Variants in RABL6 observed in about 807,000 individuals in gnomAD.
RABL6 encodes the protein RAB, member RAS oncogene family like 6.
A neutral mutation model predicts 72.9 loss-of-function variants in RABL6; 28 were observed. The ratio of observed to expected loss-of-function variants is 0.38; its 90% CI spans 0.28 to 0.53. RABL6 has a LOEUF of 0.53. Among genes scored for constraint, RABL6 ranks in the 20% least tolerant of loss-of-function variants. The probability of loss-of-function intolerance (pLI) is 0.80; values close to 1 mark genes in which losing one functional copy is unlikely to be tolerated. For synonymous variants in RABL6, 477 were observed against 421.2 expected, an observed-to-expected ratio of 1.13 and a Z score of -1.62; for missense variants, 1,029 against 1,008.4, an observed-to-expected ratio of 1.02 and a Z score of -0.28.
Position 136,840,412 on chromosome 9 carries a change from C to T in RABL6, c.2080C>T (p.Arg694Trp), listed in dbSNP as rs759601170. 40 of 1,550,146 alleles carry T rather than the reference C, an allele frequency of 2.6e-5. No homozygotes were observed. The highest frequency in any genetic ancestry group is 3.0e-5 in the Non-Finnish European group (34 of 1,147,032). The part of the protein sequence containing the change: ...GKEERRRRQQ[R>W]PPRSRERTAA... ...GGAGGAGCGGCGACGGCGGCAGCAG[C>T]GGCCCCCGCGCAGCAGGGAGAGGAC... The change falls in exon 15 of 15, where the codon CGG (arginine) becomes TGG (tryptophan). Residue 694 changes from arginine (R) to tryptophan (W), a missense_variant. This residue lies in a region of RABL6 where 595 missense variants were observed against 472.4 expected (regional missense o/e 1.26). Transcript: ENST00000311502.
Position 136,839,432 on chromosome 9 carries a change from C to T in RABL6, c.1704C>T (p.Phe568=), listed in dbSNP as rs754824290. Residue 568 remains phenylalanine, a synonymous_variant, in exon 12 of 15, where the codon TTC becomes TTT. Transcript: ENST00000311502. ...CCATTGCTGCACAAATGCTGTCCTTCGTCATGGATGACCCCGACTTTGAGA... is the reference window on the plus strand; with the variant it reads ...CCATTGCTGCACAAATGCTGTCCTTTGTCATGGATGACCCCGACTTTGAGA... ...EGPIAAQMLS[F]VMDDPDFESE... is the part of the protein sequence containing the mutation. The T allele has an allele frequency of 2.4e-5, 38 of 1,612,544 alleles. No individual in the cohort carries two copies. Among genetic ancestry groups the T allele is most frequent in the East Asian group, 6.7e-5 (3 of 44,876 alleles).
At chr9:136,834,020 T>G in intron 7 of RABL6, 1 of 1,479,084 alleles carries the variant, frequency 6.8e-7, no homozygotes. Flanking sequence ...CTGGACAGAG[T>G]CTTGAGCTGG....
chr9:136,812,893 G>A, intron 1 of RABL6: 1 of 336,592 alleles, frequency 3.0e-6, no homozygotes, highest in South Asian at 2.8e-5. Context: ...ATCCTCCAAA[G>A]CTTCCTCTAC....
Position 136,840,319 on chromosome 9 carries a change from C to T in RABL6, c.1990-3C>T. ...CATGGCGCCCCATCCTTGTGCTCCT[C>T]AGGAAGAAGAAAAAGCTGCCAAGAA... On this transcript the variant is annotated splice_region_variant and splice_polypyrimidine_tract_variant and intron_variant, in intron 14 of 14. Coordinates refer to ENST00000311502, the MANE Select transcript of RABL6 (RefSeq NM_024718.5). 1 of 1,590,498 alleles carries T rather than the reference C, an allele frequency of 6.3e-7. No homozygotes were observed. Among genetic ancestry groups the T allele is most frequent in the Non-Finnish European group, 8.6e-7 (1 of 1,169,004 alleles).
intron 7 of RABL6, chr9:136,834,520 C>G: frequency 1.1e-6 from 1 of 934,310 alleles, no homozygotes; most frequent in Non-Finnish European, 1.3e-6. Flanking sequence ...CTCACTCTGT[C>G]CAGGCTGGAG....
intron 2 of RABL6, among the ~76,000 whole-genome samples, chr9:136,825,366 C>T (rs1486978705): frequency 6.6e-6 from 1 of 150,954 alleles, no homozygotes; most frequent in Non-Finnish European, 1.5e-5. Context: ...CAGGAGGGTC[C>T]CCTTCCAGTA....
At chr9:136,822,853 C>T (rs1470379477) in intron 1 of RABL6, among the ~76,000 whole-genome samples, 1 of 152,180 alleles carries the variant, frequency 6.6e-6, no homozygotes, top group Non-Finnish European at 1.5e-5. Context: ...CTTTGGGAGG[C>T]CAAGGCGGGC....
At position 136,839,700 on chromosome 9, in the gene RABL6, T is replaced by C. The variant is rs1848652731; in HGVS notation, c.1765T>C (p.Phe589Leu). 6.3e-7 allele frequency: 1 copy of C among 1,583,052 alleles called. No homozygotes were observed. Among genetic ancestry groups the C allele is most frequent in the Non-Finnish European group, 8.6e-7 (1 of 1,161,292 alleles). ...GSDTQRRADD[F>L]PVRDDPSDVT... ...GTTGCTCTCCCTGCTCCAGGATGACTTTCCCGTGCGAGATGACCCCTCCGA... is the reference window on the plus strand; with the variant it reads ...GTTGCTCTCCCTGCTCCAGGATGACCTTCCCGTGCGAGATGACCCCTCCGA... Residue 589 changes from phenylalanine (F) to leucine (L), a missense_variant, in exon 13 of 15, where the codon TTT becomes CTT. By Grantham distance (22) the Phe-to-Leu change is conservative. This residue lies in a region of RABL6 where 595 missense variants were observed against 472.4 expected (regional missense o/e 1.26). Coordinates refer to ENST00000311502, the MANE Select transcript of RABL6 (RefSeq NM_024718.5).
intron 1 of RABL6, among the ~76,000 whole-genome samples, chr9:136,815,692 C>T (rs1364668775): frequency 1.3e-5 from 2 of 152,150 alleles, no homozygotes; most frequent in African/African-American, 4.8e-5. Context: ...GTGAGAGGGC[C>T]TGGTTAGGAG....
intron 8 of RABL6, 160 bp from the exon 9 acceptor site, chr9:136,837,186 C>A: frequency 1.2e-6 from 1 of 854,324 alleles, no homozygotes. Context: ...GCACTGCTGC[C>A]CTTGGAAGTG....
intron 1 of RABL6, among the ~76,000 whole-genome samples, chr9:136,819,565 G>A (rs1848197288): frequency 1.3e-5 from 2 of 152,154 alleles, no homozygotes; most frequent in African/African-American, 4.8e-5. Flanking sequence ...GTGTCGAAAG[G>A]TTGAAAGTTA....
intron 1 of RABL6, chr9:136,814,499 C>T (rs1469657775): frequency 2.0e-5 from 3 of 151,904 alleles, no homozygotes. Flanking sequence ...TAGTTTTTAA[C>T]TCAGGAGCAG....
At chr9:136,838,432 A>G (rs1317076585) in intron 10 of RABL6, among the ~76,000 whole-genome samples, 1 of 152,132 alleles carries the variant, frequency 6.6e-6, no homozygotes, top group African/African-American at 2.4e-5. Flanking sequence ...CTCCCCAGCC[A>G]TCTGCCAGCC....
chr9:136,808,530 A>AGGAGAGGCCAGGCCAGG, intron 1 of RABL6: 6 of 373,732 alleles, frequency 1.6e-5, no homozygotes, highest in Non-Finnish European at 2.6e-5. Context: ...GCGGCCCCCG[A>AGGAGAGGCCAGGCCAGG]GCCGCGGGTC....
At chr9:136,808,427 C>T (rs1350795218) in intron 1 of RABL6, 101 bp downstream of exon 1, 4 of 1,238,786 alleles carry the variant, frequency 3.2e-6, no homozygotes, top group African/African-American at 1.6e-5. Context: ...ACCTGCTTGC[C>T]GGTTGTGGGG....
At chr9:136,823,267 C>T (rs554464853) in intron 1 of RABL6, among the ~76,000 whole-genome samples, 4 of 143,456 alleles carry the variant, frequency 2.8e-5, no homozygotes, top group Non-Finnish European at 4.4e-5. Flanking sequence ...CCTGACCTGG[C>T]TCCAAGTAGA....
intron 10 of RABL6, among the ~76,000 whole-genome samples, chr9:136,838,515 A>C (rs1364329422): frequency 6.6e-6 from 1 of 152,248 alleles, no homozygotes; most frequent in Non-Finnish European, 1.5e-5. Flanking sequence ...GTCCCAGGAC[A>C]GCCCTGGACA....
intron 1 of RABL6, among the ~76,000 whole-genome samples, chr9:136,816,874 G>A (rs1322683123): frequency 3.9e-5 from 6 of 152,062 alleles, no homozygotes; most frequent in Admixed American, 3.3e-4. Context: ...CTTTTAAAAG[G>A]AGTAAATTTC....
chr9:136,813,047 C>T (rs1848046600), intron 1 of RABL6: 1 of 381,872 alleles, frequency 2.6e-6, no homozygotes, highest in South Asian at 2.3e-5. Flanking sequence ...GAGCCAAAGC[C>T]TTTGGGGCAC....
Sources: gnomAD v4.1 joint callset for allele counts (sites outside exome capture counted in the v4.1 genomes callset) on GRCh38, gnomAD v4.1.1 for gene constraint, gnomAD v4.1.1 regional missense constraint, MANE v1.5 for transcripts, NCBI Gene and HGNC (gene_info 2026-07-23, HGNC 2026-07-21) for gene names.